Variants in UBE3D observed in about 807,000 individuals in gnomAD.
The protein encoded by UBE3D is E3 ubiquitin-protein ligase E3D.
A neutral mutation model predicts 49.6 loss-of-function variants in UBE3D; 48 were observed. The observed-to-expected ratio is 0.97, with a 90% CI of 0.77 to 1.23. The LOEUF (loss-of-function observed/expected upper bound fraction) is 1.23, where lower values mean the gene tolerates loss of function less well. Among genes scored for constraint, UBE3D ranks in the 50% most tolerant of loss-of-function variants. UBE3D has a pLI of 0.00. For missense variants in UBE3D, 452 were observed against 468.4 expected, an observed-to-expected ratio of 0.96 and a Z score of 0.32; for synonymous variants, 189 against 174.2, an observed-to-expected ratio of 1.08 and a Z score of -0.67.
chr6:82,960,050 T>C (rs148046949), intron 8 of UBE3D, among the ~76,000 whole-genome samples: 9 of 152,254 alleles, frequency 5.9e-5, no homozygotes, highest in Non-Finnish European at 1.3e-4. Flanking sequence ...CTCTTCTGTA[T>C]GCAGGAGCTC....
intron 9 of UBE3D, among the ~76,000 whole-genome samples, chr6:82,918,354 C>T (rs570865980): frequency 1.3e-5 from 2 of 151,500 alleles, no homozygotes; most frequent in East Asian, 1.9e-4. Flanking sequence ...GAACCCTTCA[C>T]CAGTCTGAGC....
At chr6:82,895,048 T>C (rs970351668) in intron 9 of UBE3D, among the ~76,000 whole-genome samples, 1 of 152,104 alleles carries the variant, frequency 6.6e-6, no homozygotes, top group African/African-American at 2.4e-5. Flanking sequence ...TGGCTCACAG[T>C]GGCCTGTAAT....
chr6:83,023,489 C>G (rs905432257), intron 6 of UBE3D, among the ~76,000 whole-genome samples: 3 of 152,150 alleles, frequency 2.0e-5, no homozygotes, highest in Non-Finnish European at 2.9e-5. Flanking sequence ...CCCATATGAT[C>G]AATTGTACTT....
At chr6:83,038,052 T>TAAAAAAAAAAA (rs78857512) in intron 5 of UBE3D, 1 of 86,384 alleles carries the variant, frequency 1.2e-5, no homozygotes, top group Non-Finnish European at 2.5e-5. Context: ...AAGGTAAAAT[T>TAAAAAAAAAAA]AAAAAAAAAA....
At chr6:82,896,420 C>CA (rs779343096) in intron 9 of UBE3D, among the ~76,000 whole-genome samples, 3 of 113,118 alleles carry the variant, frequency 2.7e-5, no homozygotes, top group Non-Finnish European at 4.7e-5. Flanking sequence ...TTTTAAAAAA[C>CA]AAAAGACAAC....
intron 8 of UBE3D, among the ~76,000 whole-genome samples, chr6:82,984,771 G>A (rs892198287): frequency 6.6e-6 from 1 of 151,920 alleles, no homozygotes; most frequent in African/African-American, 2.4e-5. Context: ...ATAAGCTGGG[G>A]ATATTAGCCT....
At chr6:83,005,185 G>T (rs1779884760) in intron 8 of UBE3D, among the ~76,000 whole-genome samples, 1 of 151,900 alleles carries the variant, frequency 6.6e-6, no homozygotes, top group South Asian at 2.1e-4. Context: ...CTTAAACAGG[G>T]ATTTCTCCAA....
At chr6:83,029,788 C>A (rs1186153506) in intron 5 of UBE3D, among the ~76,000 whole-genome samples, 2 of 152,078 alleles carry the variant, frequency 1.3e-5, no homozygotes, top group Non-Finnish European at 2.9e-5. Flanking sequence ...AATGTATCTC[C>A]CCACAGTATG....
In UBE3D at chr6:82,893,087, G is replaced by A. The variant is rs1244147908; in HGVS notation, c.1150-45C>T. On this transcript the variant is annotated intron_variant, in intron 9 of 9. Transcript: ENST00000369747. ...CCACAATGCTTTACTTCTATAATAT[G>A]ACAAAATGGCTGCATGTACATCAAA... The A allele has an allele frequency of 2.5e-6, 4 of 1,609,468 alleles. No individual in the cohort carries two copies. In the African/African-American group the frequency reaches 5.3e-5, roughly 22 times the overall value.
At chr6:82,993,808 C>T (rs1779058624) in intron 8 of UBE3D, among the ~76,000 whole-genome samples, 1 of 152,164 alleles carries the variant, frequency 6.6e-6, no homozygotes, top group Non-Finnish European at 1.5e-5. Flanking sequence ...CACTGACATA[C>T]AGGATATTCT....
At chr6:83,035,778 T>C (rs1274799256) in intron 5 of UBE3D, among the ~76,000 whole-genome samples, 3 of 152,170 alleles carry the variant, frequency 2.0e-5, no homozygotes, top group African/African-American at 7.2e-5. Context: ...GTATTTTTGG[T>C]ATTTTTGTTA....
rs1397136057 is a variant in UBE3D, at chr6:83,024,050, A to G, written c.668-12T>C. On this transcript the variant is annotated splice_polypyrimidine_tract_variant and intron_variant, in intron 5 of 9. Coordinates refer to ENST00000369747, the MANE Select transcript of UBE3D (RefSeq NM_198920.3). Reference sequence around the variant, plus strand: ...AAACTTGGTGGTTTCTAGAAACAAAAAAGAAAATTAAGACTCTCCCCAATA... The same window carrying G: ...AAACTTGGTGGTTTCTAGAAACAAAGAAGAAAATTAAGACTCTCCCCAATA... The G allele has an allele frequency of 8.8e-6, 13 of 1,473,952 alleles. No homozygotes were observed. Among genetic ancestry groups the G allele is most frequent in the Non-Finnish European group, 1.1e-5 (12 of 1,098,570 alleles). 91.3% of individuals were successfully genotyped at this position (1,473,952 alleles called of 1,614,324 possible).
intron 8 of UBE3D, among the ~76,000 whole-genome samples, chr6:82,997,855 G>A (rs561792225): frequency 3.9e-5 from 6 of 152,300 alleles, no homozygotes; most frequent in African/African-American, 7.2e-5. Context: ...TTATACAGAC[G>A]GGAGTGAAAT....
At chr6:83,011,922 T>C (rs1024435046) in intron 8 of UBE3D, among the ~76,000 whole-genome samples, 1 of 152,136 alleles carries the variant, frequency 6.6e-6, no homozygotes, top group Non-Finnish European at 1.5e-5. Context: ...CACTACCATA[T>C]ATTGGATGCT....
intron 3 of UBE3D, among the ~76,000 whole-genome samples, chr6:83,045,810 A>C (rs1017735830): frequency 6.6e-6 from 1 of 152,132 alleles, no homozygotes. Flanking sequence ...TTTTTCCACT[A>C]ATATCCTTTT....
chr6:82,898,889 A>T (rs943647006), intron 9 of UBE3D, among the ~76,000 whole-genome samples: 1 of 152,076 alleles, frequency 6.6e-6, no homozygotes, highest in Admixed American at 6.6e-5. Context: ...CATTCATTCA[A>T]TCGTTAATTA....
intron 9 of UBE3D, among the ~76,000 whole-genome samples, chr6:82,917,522 T>C (rs1405367439): frequency 6.6e-6 from 1 of 152,108 alleles, no homozygotes; most frequent in Non-Finnish European, 1.5e-5. Context: ...AAAGGTGAAA[T>C]TCCTAAGAGG....
At chr6:82,909,820 T>C (rs1483570710) in intron 9 of UBE3D, among the ~76,000 whole-genome samples, 2 of 152,198 alleles carry the variant, frequency 1.3e-5, no homozygotes, top group African/African-American at 2.4e-5. Flanking sequence ...AACATCGCAC[T>C]GTGCAGTTGT....
chr6:82,882,143 A>G, the UBE3D span, among the ~76,000 whole-genome samples: 2 of 152,282 alleles, frequency 1.3e-5, no homozygotes, highest in East Asian at 3.9e-4. Context: ...TGAATTTGGA[A>G]TTATCCATGA....
Sources: allele counts gnomAD v4.1 joint callset (sites outside exome capture counted in the v4.1 genomes callset), GRCh38; gene constraint gnomAD v4.1.1; transcripts MANE v1.5; gene names NCBI Gene and HGNC (gene_info 2026-07-23, HGNC 2026-07-21).